DAPK1: variants seen among roughly 807,000 people sequenced by gnomAD.
DAPK1 encodes the protein death associated protein kinase 1.
DAPK1 carries 56 observed loss-of-function variants against 144.9 expected under a neutral mutation model. The ratio of observed to expected loss-of-function variants is 0.39; its 90% CI spans 0.31 to 0.48. The LOEUF (loss-of-function observed/expected upper bound fraction) is 0.48, where lower values mean the gene tolerates loss of function less well. DAPK1 is among the 20% of genes least tolerant of loss of function. DAPK1 has a pLI of 0.95. For synonymous variants in DAPK1, 690 were observed against 749.0 expected (o/e 0.92, Z 1.29); for missense variants, 1,454 against 1,875.4 (o/e 0.78, Z 4.15).
At chr9:87,502,128 T>C (rs1824425999) in intron 2 of DAPK1, among the ~76,000 whole-genome samples, 1 of 152,146 alleles carries the variant, frequency 6.6e-6, no homozygotes. Flanking sequence ...AAGTTTCTGT[T>C]TACCAGCTTT....
chr9:87,702,223 A>G (rs532063721), intron 24 of DAPK1, among the ~76,000 whole-genome samples: 2 of 152,276 alleles, frequency 1.3e-5, no homozygotes, highest in South Asian at 4.1e-4. Context: ...TTGAGAGGGG[A>G]GTGCGGAATT....
chr9:87,679,726 A>G (rs1824534321), intron 19 of DAPK1, among the ~76,000 whole-genome samples: 1 of 152,142 alleles, frequency 6.6e-6, no homozygotes, highest in Admixed American at 6.5e-5. Flanking sequence ...GGAGTGAGTG[A>G]GTAGCGAACT....
intron 2 of DAPK1, among the ~76,000 whole-genome samples, chr9:87,512,615 T>C (rs1209705615): frequency 1.3e-5 from 2 of 152,188 alleles, no homozygotes; most frequent in East Asian, 3.8e-4. Context: ...GGGTCCAGTT[T>C]GTTCAAGAAA....
chr9:87,685,977 C>G (rs1288067571), intron 20 of DAPK1, among the ~76,000 whole-genome samples: 1 of 152,112 alleles, frequency 6.6e-6, no homozygotes, highest in Non-Finnish European at 1.5e-5. Flanking sequence ...AGTGGAGACT[C>G]GCTGCAAGAA....
intron 24 of DAPK1, 99 bp from the exon 25 acceptor site, chr9:87,702,930 T>A (rs1305427273): frequency 1.1e-5 from 7 of 651,446 alleles, no homozygotes; most frequent in Non-Finnish European, 2.0e-5. Flanking sequence ...TCAAATCACC[T>A]GCAAGGCGCC....
At chr9:87,562,904 A>G (rs1361188063) in intron 2 of DAPK1, among the ~76,000 whole-genome samples, 1 of 152,236 alleles carries the variant, frequency 6.6e-6, no homozygotes, top group Non-Finnish European at 1.5e-5. Context: ...CTTCCCAGGC[A>G]TGATGACTTG....
intron 19 of DAPK1, among the ~76,000 whole-genome samples, chr9:87,675,068 G>A (rs529974606): frequency 1.3e-5 from 2 of 152,232 alleles, no homozygotes; most frequent in African/African-American, 4.8e-5. Context: ...TCAAGGGGTG[G>A]CAAACAATGG....
At position 87,642,046 on chromosome 9, in the gene DAPK1, G is replaced by GA; in HGVS notation, c.912dup (p.Trp305MetfsTer23). 6.2e-7 allele frequency: 1 copy of GA among 1,613,770 alleles called. No homozygotes were observed. Among genetic ancestry groups the GA allele is most frequent in the Non-Finnish European group, 8.5e-7 (1 of 1,179,802 alleles). On this transcript the variant is annotated frameshift_variant, in exon 10 of 26. Coordinates refer to ENST00000408954, the MANE Select transcript of DAPK1 (RefSeq NM_004938.4). LOFTEE classifies it high-confidence loss of function. ...AGAAATTCAAGAAGTTTGCAGCCCG[G>GA]AAAAAATGGAAAGTAAGATTGTTTG...
chr9:87,529,033 T>C (rs1028099818), intron 2 of DAPK1, among the ~76,000 whole-genome samples: 1 of 152,146 alleles, frequency 6.6e-6, no homozygotes, highest in African/African-American at 2.4e-5. Flanking sequence ...CTGTGTGTGC[T>C]CACCTCCCAG....
intron 3 of DAPK1, among the ~76,000 whole-genome samples, chr9:87,628,529 C>A (rs1829559247): frequency 4.6e-5 from 7 of 152,124 alleles, no homozygotes; most frequent in Admixed American, 4.6e-4. Context: ...TCCAGTGACC[C>A]AAGGAACTGA....
chr9:87,583,822 G>A (rs970094958), intron 2 of DAPK1, among the ~76,000 whole-genome samples: 3 of 152,118 alleles, frequency 2.0e-5, no homozygotes, highest in African/African-American at 7.2e-5. Flanking sequence ...GAACCTTTCA[G>A]CCTACCATGC....
At chr9:87,576,108 GCATTC>G (rs777763254) in intron 2 of DAPK1, among the ~76,000 whole-genome samples, 9 of 152,210 alleles carry the variant, frequency 5.9e-5, no homozygotes, top group Non-Finnish European at 1.3e-4. Context: ...TTAGCATTCA[GCATTC>G]CAAACTTGGG....
intron 2 of DAPK1, chr9:87,525,548 T>C (rs1825476021): frequency 2.1e-6 from 2 of 973,104 alleles, no homozygotes; most frequent in Admixed American, 4.1e-5. Context: ...GTACATAAAA[T>C]AAACATTTGA....
chr9:87,542,462 T>C lies in DAPK1; in HGVS notation c.62+43323T>C, dbSNP rs527486030. On this transcript the variant is annotated intron_variant, in intron 2 of 25. Transcript: ENST00000408954. The stretch of plus-strand genomic sequence containing the variant: ...CCTGACCCTGTGGTCAGCATTTCAG[T>C]GTGACACTGTAACCAGCATGCACAT... Among the ~76,000 whole-genome samples the C allele has an allele frequency of 1.8e-3, 274 of 152,322 alleles. 1 individual carries two copies. The highest frequency in any genetic ancestry group is 6.2e-3 in the African/African-American group (257 of 41,568).
At chr9:87,699,453 C>T (rs1825382914) in intron 23 of DAPK1, among the ~76,000 whole-genome samples, 1 of 152,012 alleles carries the variant, frequency 6.6e-6, no homozygotes, top group Non-Finnish European at 1.5e-5. Context: ...TAGGATAGGA[C>T]AGGAAAGGAC....
intron 2 of DAPK1, among the ~76,000 whole-genome samples, chr9:87,600,616 A>C (rs1022254528): frequency 6.6e-6 from 1 of 152,108 alleles, no homozygotes; most frequent in African/African-American, 2.4e-5. Flanking sequence ...AAAAATTACT[A>C]AGTAGGTGAA....
At chr9:87,646,051 T>C in intron 12 of DAPK1, 37 bp downstream of exon 12, 1 of 1,600,924 alleles carries the variant, frequency 6.2e-7, no homozygotes, top group South Asian at 1.1e-5. Flanking sequence ...GAGGGGTGGG[T>C]CACAGCGACC....
chr9:87,619,860 C>T (rs908205003), intron 3 of DAPK1, among the ~76,000 whole-genome samples: 4 of 152,186 alleles, frequency 2.6e-5, no homozygotes, highest in Non-Finnish European at 5.9e-5. Context: ...CATCACGTAA[C>T]AGCTGCCAAT....
At chr9:87,621,584 G>A (rs1011026174) in intron 3 of DAPK1, among the ~76,000 whole-genome samples, 5 of 152,176 alleles carry the variant, frequency 3.3e-5, no homozygotes, top group African/African-American at 1.2e-4. Flanking sequence ...TCCAGACTCT[G>A]TGTTTCTCTT....
Sources: gnomAD v4.1 joint callset for allele counts (sites outside exome capture counted in the v4.1 genomes callset) on GRCh38, gnomAD v4.1.1 for gene constraint, MANE v1.5 for transcripts, NCBI Gene and HGNC (gene_info 2026-07-23, HGNC 2026-07-21) for gene names.